Variants in PLEKHA7 observed in about 807,000 individuals in gnomAD.
The protein encoded by PLEKHA7 is pleckstrin homology domain-containing family A member 7.
In PLEKHA7, 104 loss-of-function variants were observed where a neutral mutation model predicts 170.0. The ratio of observed to expected loss-of-function variants is 0.61; its 90% CI spans 0.52 to 0.72. The LOEUF (loss-of-function observed/expected upper bound fraction) is 0.72. Among genes scored for constraint, PLEKHA7 ranks in the 30% least tolerant of loss-of-function variants. The pLI, the probability that PLEKHA7 is intolerant of heterozygous loss-of-function variation, is 0.00. For synonymous variants in PLEKHA7, 648 were observed against 660.8 expected, an observed-to-expected ratio of 0.98 and a Z score of 0.30; for missense variants, 1,615 against 1,671.7, an observed-to-expected ratio of 0.97 and a Z score of 0.59.
intron 3 of PLEKHA7, among the ~76,000 whole-genome samples, chr11:16,985,386 AC>A (rs1380273103): frequency 2.0e-5 from 3 of 152,236 alleles, no homozygotes; most frequent in Non-Finnish European, 4.4e-5. Context: ...AATTCCAGAT[AC>A]ACAAAACTGA....
At chr11:16,999,059 C>T (rs1485886374) in intron 3 of PLEKHA7, among the ~76,000 whole-genome samples, 1 of 152,124 alleles carries the variant, frequency 6.6e-6, no homozygotes, top group Non-Finnish European at 1.5e-5. Flanking sequence ...TTTGGCTGAG[C>T]ACTGTCTCTG....
chr11:16,924,892 A>T (rs1043331487), intron 3 of PLEKHA7, among the ~76,000 whole-genome samples: 4 of 152,186 alleles, frequency 2.6e-5, no homozygotes, highest in Non-Finnish European at 5.9e-5. Flanking sequence ...TCCCAGCCCT[A>T]TGCCCGCGGG....
Position 16,817,478 on chromosome 11 carries a change from CT to C in PLEKHA7, c.1344-157del. 1.4e-6 allele frequency: 1 copy of C among 705,650 alleles called. No individual in the cohort carries two copies. Among genetic ancestry groups the C allele is most frequent in the Non-Finnish European group, 2.2e-6 (1 of 462,192 alleles). 43.7% of individuals were successfully genotyped at this position (705,650 alleles called of 1,614,324 possible). ...AGGCCGACATCCAGGACTTCAGTCA[CT>C]TCCCCTTTTGGCAGACGACTCCAAA... On this transcript the variant is annotated intron_variant, in intron 10 of 26. Coordinates refer to ENST00000531066, the MANE Select transcript of PLEKHA7 (RefSeq NM_001329630.2). The surrounding 1 kb of genome is among the most constrained non-coding windows in gnomAD (Gnocchi z 4.4).
At chr11:16,929,277 T>G (rs1859765049) in intron 3 of PLEKHA7, among the ~76,000 whole-genome samples, 1 of 152,166 alleles carries the variant, frequency 6.6e-6, no homozygotes, top group Non-Finnish European at 1.5e-5. Flanking sequence ...AGAAAATTAT[T>G]TTTACATTTA....
intron 3 of PLEKHA7, among the ~76,000 whole-genome samples, chr11:16,958,053 C>T (rs1200816054): frequency 3.3e-5 from 5 of 152,070 alleles, no homozygotes; most frequent in Non-Finnish European, 5.9e-5. Context: ...TAGTGGCTCA[C>T]GCCTGTAATC....
intron 3 of PLEKHA7, among the ~76,000 whole-genome samples, chr11:16,934,459 G>C (rs1860150355): frequency 6.6e-6 from 1 of 152,198 alleles, no homozygotes; most frequent in Non-Finnish European, 1.5e-5. Flanking sequence ...GGAACATGAA[G>C]CAGCCCATGT....
chr11:16,806,558 A>T (rs1437484087), intron 13 of PLEKHA7, among the ~76,000 whole-genome samples: 1 of 152,180 alleles, frequency 6.6e-6, no homozygotes, highest in Non-Finnish European at 1.5e-5. Context: ...ATGGTTGGAC[A>T]CAACACCTGC....
chr11:16,955,509 C>T (rs906529216), intron 3 of PLEKHA7, among the ~76,000 whole-genome samples: 1 of 152,118 alleles, frequency 6.6e-6, no homozygotes, highest in Non-Finnish European at 1.5e-5. Flanking sequence ...TGCCTGGCAC[C>T]CAGTAGAGGT....
At chr11:16,898,451 C>T (rs962285058) in intron 3 of PLEKHA7, among the ~76,000 whole-genome samples, 3 of 152,146 alleles carry the variant, frequency 2.0e-5, no homozygotes, top group Non-Finnish European at 4.4e-5. Context: ...GCTTTGTAAT[C>T]CTGTGTGACT....
rs375723518 is a variant in PLEKHA7 at position 16,789,307 on chromosome 11, G to C, written c.3157-11C>G. On this transcript the variant is annotated splice_polypyrimidine_tract_variant and intron_variant, in intron 22 of 26. Transcript: ENST00000531066. The surrounding 1 kb of genome is among the most constrained non-coding windows in gnomAD (Gnocchi z 4.6). ...GGCACTCTTAGGTCTCTGAGGAAGA[G>C]GAGGCAGGCAAGAGAGACACAGAAC... 143 of 1,612,128 alleles carry C rather than the reference G, an allele frequency of 8.9e-5. No homozygotes were observed. Among genetic ancestry groups the C allele is most frequent in the Non-Finnish European group, 1.2e-4 (139 of 1,179,854 alleles).
At chr11:16,849,057 A>ACAC (rs1226723975) in intron 8 of PLEKHA7, among the ~76,000 whole-genome samples, 3 of 152,172 alleles carry the variant, frequency 2.0e-5, no homozygotes, top group African/African-American at 7.2e-5. Context: ...AACCATCTAA[A>ACAC]CACCACCAGA....
In PLEKHA7 at chr11:16,834,387, G is replaced by C. The variant is rs182084230; in HGVS notation, c.872+7160C>G. Among the ~76,000 whole-genome samples the C allele has an allele frequency of 1.9e-3, 291 of 152,294 alleles. 1 individual carries two copies. Among genetic ancestry groups the C allele is most frequent in the Middle Eastern group, 3.4e-3 (1 of 294 alleles). On this transcript the variant is annotated intron_variant, in intron 9 of 26. Coordinates refer to ENST00000531066, the MANE Select transcript of PLEKHA7 (RefSeq NM_001329630.2). ...GCACCAATTCAAGTTGATGAAAGAA[G>C]TTCAGCATACCACAGAGAATGGGAA...
intron 3 of PLEKHA7, among the ~76,000 whole-genome samples, chr11:16,952,805 A>G (rs193108037): frequency 2.4e-4 from 36 of 152,378 alleles, no homozygotes; most frequent in Admixed American, 8.5e-4. Flanking sequence ...TTACAGATTT[A>G]TCAACATTAG....
intron 3 of PLEKHA7, among the ~76,000 whole-genome samples, chr11:16,892,232 G>A (rs1182055316): frequency 6.6e-6 from 1 of 152,176 alleles, no homozygotes; most frequent in African/African-American, 2.4e-5. Context: ...TGAGTCAAGA[G>A]ATATCTGAAA....
intron 3 of PLEKHA7, among the ~76,000 whole-genome samples, chr11:16,948,446 C>A (rs1014771756): frequency 1.3e-5 from 2 of 151,776 alleles, no homozygotes; most frequent in South Asian, 2.1e-4. Flanking sequence ...ACACACACAC[C>A]CCTGACTGTA....
chr11:17,008,207 GA>G (rs1590842700), intron 3 of PLEKHA7, among the ~76,000 whole-genome samples: 8 of 152,290 alleles, frequency 5.3e-5, no homozygotes, highest in Middle Eastern at 3.4e-3. Flanking sequence ...CTAAAACTGA[GA>G]AACCTGAAGC....
At position 16,811,172 on chromosome 11, in the gene PLEKHA7, G is replaced by A. The variant is rs866392354; in HGVS notation, c.2007+1941C>T. Among the ~76,000 whole-genome samples the A allele has an allele frequency of 2.6e-5, 4 of 152,278 alleles. 1 individual carries two copies. The Middle Eastern group carries it at 0.01, about 388-fold the overall frequency. ...AACCTGAGGCCAAGCATCACTCCAG[G>A]ACCAACTGTGAGTTTCCACTGTCAC... On this transcript the variant is annotated intron_variant, in intron 13 of 26. Transcript: ENST00000531066.
At chr11:16,799,160 T>C (rs941165906) in intron 17 of PLEKHA7, among the ~76,000 whole-genome samples, 4 of 152,350 alleles carry the variant, frequency 2.6e-5, no homozygotes, top group South Asian at 2.1e-4. Context: ...TTATATTTTA[T>C]TGGGCAGCAT....
Position 16,789,802 on chromosome 11 carries a change from A to C in PLEKHA7, c.3129T>G (p.Asn1043Lys). Residue 1043 changes from asparagine (N) to lysine (K), a missense_variant, in exon 22 of 27, where the codon AAT (asparagine) becomes AAG (lysine). Asn to Lys is a moderately conservative substitution (Grantham distance 94, BLOSUM62 0). Transcript: ENST00000531066. The surrounding 1 kb of genome is among the most constrained non-coding windows in gnomAD (Gnocchi z 4.6). ...GGAAGGTCGCCTTGCTGCTTTCGGC[A>C]TTGAGACCCCTCCGGAGTGTGACGT... ...APYVTLRRGL[N>K]AESSKATFPR... 6.2e-7 allele frequency: 1 copy of C among 1,614,108 alleles called. No homozygotes were observed.
Sources: gnomAD v4.1 joint callset for allele counts (sites outside exome capture counted in the v4.1 genomes callset) on GRCh38, gnomAD v4.1.1 for gene constraint, Gnocchi (gnomAD v3.1) non-coding constraint, MANE v1.5 for transcripts, NCBI Gene and HGNC (gene_info 2026-07-23, HGNC 2026-07-21) for gene names.